The following MAP3K13 variants were observed in gnomAD, a reference collection of about 807,000 sequenced individuals.
MAP3K13 encodes leucine zipper-bearing kinase.
In MAP3K13, 52 loss-of-function variants were observed where a neutral mutation model predicts 104.0. The ratio of observed to expected loss-of-function variants is 0.50; its 90% CI spans 0.40 to 0.63. The LOEUF (loss-of-function observed/expected upper bound fraction) is 0.63, where lower values mean the gene tolerates loss of function less well. Among genes scored for constraint, MAP3K13 ranks in the 20% least tolerant of loss-of-function variants. The pLI is 0.00. For synonymous variants in MAP3K13, 394 were observed against 442.2 expected (o/e 0.89, Z 1.37); for missense variants, 914 against 1,218.5 (o/e 0.75, Z 3.72).
At chr3:185,351,407 C>G (rs1460296998) in intron 2 of MAP3K13, among the ~76,000 whole-genome samples, 1 of 152,096 alleles carries the variant, frequency 6.6e-6, no homozygotes, top group African/African-American at 2.4e-5. Context: ...GAATTGAGGA[C>G]AGTTTTCTAT....
rs183094441 is a variant in MAP3K13, at chr3:185,482,757, C to T, written c.*301C>T. Reference sequence around the variant, plus strand: ...TTTATTTTTGTTTGACATTTTAACACTTTGTACTGCAAAGAGTGAACTATA... The same window carrying T: ...TTTATTTTTGTTTGACATTTTAACATTTTGTACTGCAAAGAGTGAACTATA... On this transcript the variant is annotated 3_prime_UTR_variant, in exon 14 of 14. Coordinates refer to ENST00000265026, the MANE Select transcript of MAP3K13 (RefSeq NM_004721.5). The surrounding 1 kb of genome is among the most constrained non-coding windows in gnomAD (Gnocchi z 4.5). 581 of 306,218 alleles carry T rather than the reference C, an allele frequency of 1.9e-3. 1 individual carries two copies. Among genetic ancestry groups the T allele is most frequent in the Middle Eastern group, 0.011 (12 of 1,140 alleles). 19.0% of individuals were successfully genotyped at this position (306,218 alleles called of 1,614,324 possible). A position where few individuals can be genotyped will look rare whatever the true frequency, so the allele number is the denominator to read the frequency against.
At chr3:185,348,223 A>G (rs1723008314) in intron 2 of MAP3K13, among the ~76,000 whole-genome samples, 1 of 152,066 alleles carries the variant, frequency 6.6e-6, no homozygotes, top group Non-Finnish European at 1.5e-5. Context: ...ACCTCTCTTT[A>G]TATTTACTTA....
At chr3:185,382,464 A>G (rs1321172366) in intron 1 of MAP3K13, among the ~76,000 whole-genome samples, 1 of 152,230 alleles carries the variant, frequency 6.6e-6, no homozygotes, top group Non-Finnish European at 1.5e-5. Flanking sequence ...ATTGTCAAGT[A>G]TATTACAATT....
chr3:185,471,451 CTTTT>C (rs71164510), intron 10 of MAP3K13, among the ~76,000 whole-genome samples: 1 of 75,440 alleles, frequency 1.3e-5, no homozygotes, highest in Non-Finnish European at 2.3e-5. Context: ...ACGACCTTTA[CTTTT>C]TTTTTTTTTT....
At chr3:185,358,053 T>A (rs1723439837) in intron 2 of MAP3K13, among the ~76,000 whole-genome samples, 1 of 152,120 alleles carries the variant, frequency 6.6e-6, no homozygotes, top group Non-Finnish European at 1.5e-5. Context: ...ATAGCATACC[T>A]TTTCAAAAAG....
chr3:185,386,466 G>T (rs1711696448), intron 1 of MAP3K13, among the ~76,000 whole-genome samples: 1 of 152,076 alleles, frequency 6.6e-6, no homozygotes, highest in African/African-American at 2.4e-5. Flanking sequence ...GTTGGTGGGA[G>T]TGTAAACTAG....
chr3:185,291,956 A>C, intron 2 of MAP3K13: 1 of 1,100,020 alleles, frequency 9.1e-7, no homozygotes, highest in Non-Finnish European at 1.1e-6. Flanking sequence ...TCATTGATAG[A>C]GAAGCATAAA....
intron 1 of MAP3K13, among the ~76,000 whole-genome samples, chr3:185,420,089 G>A (rs867748061): frequency 2.0e-5 from 3 of 152,156 alleles, no homozygotes; most frequent in South Asian, 2.1e-4. Context: ...AATCTTAACC[G>A]AAAATATAGG....
intron 1 of MAP3K13, among the ~76,000 whole-genome samples, chr3:185,370,760 A>G: frequency 6.9e-6 from 1 of 144,338 alleles, no homozygotes; most frequent in East Asian, 2.0e-4. Flanking sequence ...AAAAAAAAAA[A>G]AAAGCTTCCA....
intron 2 of MAP3K13, among the ~76,000 whole-genome samples, chr3:185,431,925 T>A (rs1303771579): frequency 1.3e-5 from 2 of 152,158 alleles, no homozygotes; most frequent in Non-Finnish European, 1.5e-5. Context: ...CAAAAATTCT[T>A]CGTCAGTCCC....
intron 1 of MAP3K13, among the ~76,000 whole-genome samples, chr3:185,421,458 A>G (rs896674645): frequency 9.2e-5 from 14 of 152,160 alleles, no homozygotes; most frequent in African/African-American, 3.4e-4. Context: ...TCAGCCTCCC[A>G]AAGTGCTGGG....
At chr3:185,351,964 C>G (rs770143809) in intron 2 of MAP3K13, among the ~76,000 whole-genome samples, 1 of 152,156 alleles carries the variant, frequency 6.6e-6, no homozygotes, top group Non-Finnish European at 1.5e-5. Flanking sequence ...TACAAGTTGA[C>G]TCAGTGTGGC....
At chr3:185,292,986 A>G in intron 2 of MAP3K13, 2 of 985,174 alleles carry the variant, frequency 2.0e-6, no homozygotes, top group Non-Finnish European at 2.4e-6. Context: ...CGTGGTAAGA[A>G]TAAAAAATTG....
At position 185,478,585 on chromosome 3, in the gene MAP3K13, A is replaced by G. The variant is rs545775882; in HGVS notation, c.2501+1189A>G. 3.5e-4 allele frequency among the ~76,000 whole-genome samples: 53 copies of G among 152,228 alleles called. No individual in the cohort carries two copies. The Middle Eastern group carries it at 0.014, about 39-fold the overall frequency. ...TGGGCATCAGCCAGGCCTAGGTCAT[A>G]TGGCATAAAATCTCTTTGTACTAGG... On this transcript the variant is annotated intron_variant, in intron 12 of 13. Coordinates refer to ENST00000265026, the MANE Select transcript of MAP3K13 (RefSeq NM_004721.5).
At chr3:185,352,216 G>A (rs564163855) in intron 2 of MAP3K13, among the ~76,000 whole-genome samples, 10 of 152,230 alleles carry the variant, frequency 6.6e-5, no homozygotes, top group Non-Finnish European at 1.3e-4. Context: ...AGGCCAAGGC[G>A]GGCAGATCAC....
At chr3:185,284,992 G>T (rs1401884692) in intron 1 of MAP3K13, among the ~76,000 whole-genome samples, 12 of 151,798 alleles carry the variant, frequency 7.9e-5, no homozygotes, top group Admixed American at 7.9e-4. Context: ...TGTTAGATGG[G>T]GTATAGTGGG....
intron 2 of MAP3K13, among the ~76,000 whole-genome samples, chr3:185,349,318 A>C (rs6444053): frequency 0.28 from 43,257 of 151,812 alleles, 8,955 homozygotes; most frequent in African/African-American, 0.58. Flanking sequence ...ATCTTTACGT[A>C]CATGTGTCCC....
chr3:185,405,564 T>G (rs968207150), intron 1 of MAP3K13, among the ~76,000 whole-genome samples: 3 of 152,238 alleles, frequency 2.0e-5, no homozygotes, highest in African/African-American at 7.2e-5. Context: ...GCAGTTCTTT[T>G]GGCCAGAATA....
chr3:185,331,627 CGTT>C (rs1222217774), intron 2 of MAP3K13, among the ~76,000 whole-genome samples: 1 of 152,040 alleles, frequency 6.6e-6, no homozygotes, highest in East Asian at 1.9e-4. Context: ...CTTGGTAAAT[CGTT>C]GTATGACAAC....
Sources: allele counts gnomAD v4.1 joint callset (sites outside exome capture counted in the v4.1 genomes callset), GRCh38; gene constraint gnomAD v4.1.1; non-coding constraint Gnocchi (gnomAD v3.1); transcripts MANE v1.5; gene names NCBI Gene and HGNC (gene_info 2026-07-23, HGNC 2026-07-21).